Variants in RYR2 observed in about 807,000 individuals in gnomAD.
The protein encoded by RYR2 is ryanodine receptor 2.
A neutral mutation model predicts 601.1 loss-of-function variants in RYR2; 227 were observed. That is an observed-to-expected ratio of 0.38 (90% CI 0.34 to 0.42). RYR2 has a LOEUF of 0.42. Ranked by LOEUF, RYR2 falls within the 10% of genes least tolerant of loss-of-function variation. The probability of loss-of-function intolerance (pLI) is 1.00; values close to 1 mark genes in which losing one functional copy is unlikely to be tolerated. For synonymous variants in RYR2, 2,223 were observed against 2,175.1 expected (o/e 1.02, Z -0.61); for missense variants, 4,646 against 6,156.5 (o/e 0.75, Z 8.21).
intron 21 of RYR2, among the ~76,000 whole-genome samples, 161 bp from the exon 22 acceptor site, chr1:237,503,122 TAGAGGC>T: frequency 6.6e-6 from 1 of 152,326 alleles, no homozygotes; most frequent in South Asian, 2.1e-4. Flanking sequence ...CTTTTACAAT[TAGAGGC>T]CCTTGAATTC....
At chr1:237,508,869 A>T (rs1222681284) in intron 23 of RYR2, among the ~76,000 whole-genome samples, 2 of 147,914 alleles carry the variant, frequency 1.4e-5, no homozygotes, top group Non-Finnish European at 3.0e-5. Flanking sequence ...CAGCCTCCCG[A>T]GTAGCTGGGA....
At chr1:237,416,749 A>AAC (rs71180024) in intron 10 of RYR2, among the ~76,000 whole-genome samples, 4 of 148,114 alleles carry the variant, frequency 2.7e-5, no homozygotes, top group Admixed American at 6.7e-5. Flanking sequence ...GATGGGAAGA[A>AAC]ACACACACAC....
chr1:237,280,890 T>C (rs1690789898), intron 2 of RYR2, among the ~76,000 whole-genome samples: 1 of 152,028 alleles, frequency 6.6e-6, no homozygotes, highest in Admixed American at 6.6e-5. Context: ...GTTCAAGTGA[T>C]TCTCCTGCCT....
At chr1:237,479,707 A>G (rs75504890) in intron 17 of RYR2, among the ~76,000 whole-genome samples, 4,174 of 152,340 alleles carry the variant, frequency 0.027, 80 homozygotes, top group Middle Eastern at 0.044. Context: ...GGAGACCCAG[A>G]GTCTTAGACT....
chr1:237,241,898 T>TG (rs1686212180), intron 1 of RYR2, among the ~76,000 whole-genome samples: 1 of 152,176 alleles, frequency 6.6e-6, no homozygotes, highest in Admixed American at 6.5e-5. Context: ...AGAGGTCACT[T>TG]TTGTCACCAT....
chr1:237,555,039 G>A (rs1344287799), intron 27 of RYR2: 2 of 152,176 alleles, frequency 1.3e-5, no homozygotes, highest in South Asian at 2.1e-4. Context: ...GTGTGACTAT[G>A]TCTTACATTA....
chr1:237,706,427 A>C (rs1688384578), intron 67 of RYR2, among the ~76,000 whole-genome samples: 2 of 152,214 alleles, frequency 1.3e-5, no homozygotes, highest in African/African-American at 4.8e-5. Flanking sequence ...GAGTTGTAAA[A>C]GTGCAATTTT....
chr1:237,469,275 A>AC, intron 17 of RYR2, 88 bp downstream of exon 17: 2 of 786,102 alleles, frequency 2.5e-6, no homozygotes, highest in South Asian at 2.0e-5. Flanking sequence ...AAAAAAAAAA[A>AC]AAAACAACTT....
intron 16 of RYR2, among the ~76,000 whole-genome samples, chr1:237,463,728 G>A (rs1659737990): frequency 6.6e-6 from 1 of 152,112 alleles, no homozygotes; most frequent in African/African-American, 2.4e-5. Flanking sequence ...CAATTAAAGA[G>A]TATTGTAAAG....
In RYR2 at chr1:237,051,142, T is replaced by A. The variant is rs1304899554; in HGVS notation, c.48+8573T>A. 2.0e-5 allele frequency among the ~76,000 whole-genome samples: 3 copies of A among 151,782 alleles called. No homozygotes were observed. The East Asian group carries it at 5.8e-4, about 29-fold the overall frequency. On this transcript the variant is annotated intron_variant, in intron 1 of 104. Coordinates refer to ENST00000366574, the MANE Select transcript of RYR2 (RefSeq NM_001035.3). ...GGGGTTTTTATTTTTATGGTTCCTT[T>A]CCCTTTGTCTTTCCCTTTCCCTCCC...
chr1:237,491,164 A>C (rs1663289671), intron 17 of RYR2, among the ~76,000 whole-genome samples: 1 of 152,234 alleles, frequency 6.6e-6, no homozygotes, highest in Non-Finnish European at 1.5e-5. Context: ...CTAGTACCTA[A>C]AAATACCACG....
intron 84 of RYR2, among the ~76,000 whole-genome samples, chr1:237,765,623 T>C (rs908515161): frequency 3.3e-5 from 5 of 152,234 alleles, no homozygotes; most frequent in Non-Finnish European, 5.9e-5. Context: ...TCTTGATTGC[T>C]TAATTATTTA....
At chr1:237,684,772 C>CAT (rs1491431105) in intron 62 of RYR2, among the ~76,000 whole-genome samples, 10 of 103,718 alleles carry the variant, frequency 9.6e-5, no homozygotes, top group African/African-American at 3.8e-4. Context: ...TATCTGAACA[C>CAT]ATATATATAT....
chr1:237,738,612 AT>A (rs1192206466), intron 79 of RYR2, among the ~76,000 whole-genome samples: 1 of 152,060 alleles, frequency 6.6e-6, no homozygotes, highest in East Asian at 1.9e-4. Flanking sequence ...TGTGTGTAAT[AT>A]TTTGGGCTCT....
chr1:237,278,601 T>C (rs775561704), intron 2 of RYR2, among the ~76,000 whole-genome samples: 5 of 152,138 alleles, frequency 3.3e-5, no homozygotes, highest in Non-Finnish European at 5.9e-5. Context: ...GTGAATATAA[T>C]TTGTACTCCT....
chr1:237,272,104 T>G (rs1035637570), intron 2 of RYR2, among the ~76,000 whole-genome samples: 1 of 152,138 alleles, frequency 6.6e-6, no homozygotes, highest in East Asian at 1.9e-4. Flanking sequence ...CACTCCAGCC[T>G]GGGTGACAGA....
intron 76 of RYR2, among the ~76,000 whole-genome samples, chr1:237,728,184 G>A (rs919798565): frequency 2.0e-5 from 3 of 151,770 alleles, no homozygotes; most frequent in African/African-American, 7.3e-5. Context: ...GAATGTATAA[G>A]GCAAAGAAAA....
At chr1:237,684,983 G>A (rs1013040449) in intron 62 of RYR2, among the ~76,000 whole-genome samples, 5 of 151,428 alleles carry the variant, frequency 3.3e-5, no homozygotes, top group Admixed American at 1.3e-4. Flanking sequence ...AGAGTTTCAC[G>A]ATTTAAGTAA....
intron 24 of RYR2, among the ~76,000 whole-genome samples, chr1:237,528,757 C>T (rs540515079): frequency 3.9e-5 from 6 of 152,090 alleles, no homozygotes; most frequent in Non-Finnish European, 8.8e-5. Flanking sequence ...CTTTGTCTCT[C>T]GGTCTGGACT....
Sources: allele counts gnomAD v4.1 joint callset (sites outside exome capture counted in the v4.1 genomes callset), GRCh38; gene constraint gnomAD v4.1.1; transcripts MANE v1.5; gene names NCBI Gene and HGNC (gene_info 2026-07-23, HGNC 2026-07-21).